The following JADE2 variants were observed in gnomAD, a reference collection of about 807,000 sequenced individuals.
The protein encoded by JADE2 is E3 ubiquitin-protein ligase Jade-2.
JADE2 carries 13 observed loss-of-function variants against 85.7 expected under a neutral mutation model. The observed-to-expected ratio is 0.15, with a 90% CI of 0.10 to 0.24. The LOEUF (loss-of-function observed/expected upper bound fraction) is 0.24, where lower values mean the gene tolerates loss of function less well. Among genes scored for constraint, JADE2 ranks in the 10% least tolerant of loss-of-function variants. The pLI is 1.00. For missense variants in JADE2, 846 were observed against 1,115.9 expected, an observed-to-expected ratio of 0.76 and a Z score of 3.45; for synonymous variants, 440 against 456.1, an observed-to-expected ratio of 0.96 and a Z score of 0.45.
At chr5:134,542,871 T>C (rs1762054821) in intron 3 of JADE2, among the ~76,000 whole-genome samples, 1 of 152,110 alleles carries the variant, frequency 6.6e-6, no homozygotes, top group East Asian at 1.9e-4. Flanking sequence ...TAGCTGGGAC[T>C]ACCGGCACTT....
intron 7 of JADE2, chr5:134,564,206 T>C (rs960603725): frequency 3.7e-6 from 1 of 271,384 alleles, no homozygotes; most frequent in Non-Finnish European, 7.1e-6. Flanking sequence ...ATACACACAG[T>C]CAACTACACA....
intron 4 of JADE2, among the ~76,000 whole-genome samples, chr5:134,555,834 G>A (rs1031143211): frequency 3.3e-5 from 5 of 152,222 alleles, no homozygotes; most frequent in African/African-American, 1.2e-4. Flanking sequence ...GGAATCACCT[G>A]TTAGTGTGGG....
At chr5:134,554,659 C>T (rs909206281) in intron 4 of JADE2, among the ~76,000 whole-genome samples, 2 of 152,136 alleles carry the variant, frequency 1.3e-5, no homozygotes, top group African/African-American at 4.8e-5. Flanking sequence ...GTGAGCTGGG[C>T]ACTCCTGGCC....
At chr5:134,525,307 A>C (rs1760728986), upstream of JADE2, among the ~76,000 whole-genome samples, 1 of 151,752 alleles carries the variant, frequency 6.6e-6, no homozygotes, top group Admixed American at 6.5e-5. Flanking sequence ...ACCTGATGGG[A>C]CTTGCACGGG....
intron 3 of JADE2, among the ~76,000 whole-genome samples, chr5:134,551,051 C>T (rs960323455): frequency 6.6e-6 from 1 of 152,066 alleles, no homozygotes; most frequent in South Asian, 2.1e-4. Flanking sequence ...AAGCCCCGGC[C>T]GTCCCCCAGC....
intron 2 of JADE2, 41 bp from the exon 3 acceptor site, chr5:134,537,948 T>C (rs770788114): frequency 1.1e-5 from 16 of 1,480,948 alleles, no homozygotes. Flanking sequence ...GTGGTGCTCC[T>C]GGCCCTCCAG....
chr5:134,561,760 G>C (rs1489004961), intron 6 of JADE2, among the ~76,000 whole-genome samples: 1 of 152,182 alleles, frequency 6.6e-6, no homozygotes, highest in Non-Finnish European at 1.5e-5. Flanking sequence ...AGGTTCATGT[G>C]TCTCACCCAA....
chr5:134,568,522 C>G (rs995135894), intron 9 of JADE2, among the ~76,000 whole-genome samples: 1 of 152,206 alleles, frequency 6.6e-6, no homozygotes. Flanking sequence ...AGCCAGAACA[C>G]TCCAGAGTCA....
At chr5:134,559,765 C>A (rs752390192) in intron 4 of JADE2, 65 bp from the exon 5 acceptor site, 12 of 1,536,784 alleles carry the variant, frequency 7.8e-6, no homozygotes, top group Admixed American at 2.0e-5. Flanking sequence ...GGTCAGCTCC[C>A]TGGAGCCCCT....
intron 9 of JADE2, among the ~76,000 whole-genome samples, chr5:134,568,455 T>C (rs1051953949): frequency 8.5e-5 from 13 of 152,104 alleles, no homozygotes; most frequent in Admixed American, 7.9e-4. Flanking sequence ...GGGGCTGAGG[T>C]TGGCGGGCTC....
chr5:134,582,723 C>CA lies in JADE2; in HGVS notation c.*3407dup, dbSNP rs1416268346. 1 of 152,672 alleles carries CA rather than the reference C, an allele frequency of 6.5e-6. No homozygotes were observed. The highest frequency in any genetic ancestry group is 1.5e-5 in the Non-Finnish European group (1 of 68,040). The allele number at this position is 152,672 out of a possible 1,614,324, so 9.5% of individuals were successfully genotyped here. A position where few individuals can be genotyped will look rare whatever the true frequency, so the allele number is the denominator to read the frequency against. ...CCACTTTCTCCCTCAGAGGCACAAA[C>CA]ACTTTGTGTTCCACGTCAGTTTGAG... On this transcript the variant is annotated 3_prime_UTR_variant, in exon 12 of 12. Coordinates refer to ENST00000681547, the MANE Select transcript of JADE2 (RefSeq NM_001388185.1).
rs1764600634 is a variant in JADE2, at chr5:134,579,607, T to C, written c.*290T>C. 1.3e-5 allele frequency: 5 copies of C among 381,298 alleles called. No individual in the cohort carries two copies. Among genetic ancestry groups the C allele is most frequent in the African/African-American group, 1.0e-4 (5 of 49,846 alleles). The allele number at this position is 381,298 out of a possible 1,614,324, so 23.6% of individuals were successfully genotyped here. A position where few individuals can be genotyped will look rare whatever the true frequency, so the allele number is the denominator to read the frequency against. On this transcript the variant is annotated 3_prime_UTR_variant, in exon 12 of 12. Coordinates refer to ENST00000681547, the MANE Select transcript of JADE2 (RefSeq NM_001388185.1). The surrounding 1 kb of genome is among the most constrained non-coding windows in gnomAD (Gnocchi z 4.6). ...TGGTATTGCTGGGCTCCTGGCTAGATGCAAGCAAGGTGGACAAGAGCTCAG... is the reference window on the plus strand; with the variant it reads ...TGGTATTGCTGGGCTCCTGGCTAGACGCAAGCAAGGTGGACAAGAGCTCAG...
intron 1 of JADE2, among the ~76,000 whole-genome samples, chr5:134,534,157 A>C (rs1761436997): frequency 1.3e-5 from 2 of 152,186 alleles, no homozygotes; most frequent in African/African-American, 4.8e-5. Flanking sequence ...AATCAAATAC[A>C]GTCACTGACA....
At chr5:134,551,778 C>A (rs1762605864) in intron 3 of JADE2, among the ~76,000 whole-genome samples, 1 of 152,096 alleles carries the variant, frequency 6.6e-6, no homozygotes, top group East Asian at 1.9e-4. Context: ...TCTCATAGGT[C>A]CACTCCCAAC....
intron 1 of JADE2, among the ~76,000 whole-genome samples, chr5:134,534,521 G>A (rs1426306778): frequency 2.0e-5 from 3 of 152,068 alleles, no homozygotes; most frequent in Admixed American, 6.5e-5. Context: ...CAAGTCCAAG[G>A]CAGGAGGGCC....
At position 134,548,641 on chromosome 5, in the gene JADE2, T is replaced by TAA. The variant is rs545167655; in HGVS notation, c.154-3411_154-3410insAA. Among the ~76,000 whole-genome samples the TAA allele has an allele frequency of 2.6e-5, 4 of 152,336 alleles. No homozygotes were observed. The South Asian group carries it at 8.3e-4, about 32-fold the overall frequency. ...GAACTCTCTTGGAACGAGACTCTTT[T>TAA]GTCTTCCCACAATCTCCCTAACTGT... is the stretch of plus-strand genomic sequence containing the variant. On this transcript the variant is annotated intron_variant, in intron 3 of 11. Transcript: ENST00000681547.
intron 10 of JADE2, 164 bp downstream of exon 10, chr5:134,573,926 CG>C: frequency 1.4e-6 from 1 of 705,496 alleles, no homozygotes; most frequent in Non-Finnish European, 2.6e-6. Context: ...TAGGCCCAGA[CG>C]GGGGCCTGCA....
intron 5 of JADE2, 43 bp from the exon 6 acceptor site, chr5:134,560,703 G>T (rs1252090826): frequency 1.3e-6 from 2 of 1,551,316 alleles, no homozygotes; most frequent in Non-Finnish European, 1.8e-6. Context: ...CTCAAAGGAG[G>T]CTGGGCTCCT....
intron 5 of JADE2, among the ~76,000 whole-genome samples, chr5:134,560,358 AT>A (rs1327706628): frequency 3.3e-5 from 5 of 152,160 alleles, no homozygotes; most frequent in African/African-American, 4.8e-5. Flanking sequence ...CTGGAGCCCA[AT>A]AATGTGTCCC....
Sources: gnomAD v4.1 joint callset for allele counts (sites outside exome capture counted in the v4.1 genomes callset) on GRCh38, gnomAD v4.1.1 for gene constraint, Gnocchi (gnomAD v3.1) non-coding constraint, MANE v1.5 for transcripts, NCBI Gene and HGNC (gene_info 2026-07-23, HGNC 2026-07-21) for gene names.